The following FRMD5 variants were observed in gnomAD, a reference collection of about 807,000 sequenced individuals.
The protein encoded by FRMD5 is FERM domain-containing protein 5.
Under a neutral mutation model 69.0 loss-of-function variants are expected in FRMD5, and 20 were observed. That is an observed-to-expected ratio of 0.29 (90% CI 0.20 to 0.42). FRMD5 has a LOEUF of 0.42. Among genes scored for constraint, FRMD5 ranks in the 10% least tolerant of loss-of-function variants. The pLI is 1.00. For synonymous variants in FRMD5, 271 were observed against 260.1 expected, an observed-to-expected ratio of 1.04 and a Z score of -0.40; for missense variants, 595 against 708.6, an observed-to-expected ratio of 0.84 and a Z score of 1.82.
At chr15:44,119,515 G>GT (rs1329534763) in intron 1 of FRMD5, among the ~76,000 whole-genome samples, 9 of 151,966 alleles carry the variant, frequency 5.9e-5, no homozygotes, top group Admixed American at 5.2e-4. Context: ...CAAGCTTAAA[G>GT]TTTCTCTGGC....
chr15:43,877,894 A>G (rs1461655031), intron 13 of FRMD5, among the ~76,000 whole-genome samples: 1 of 152,236 alleles, frequency 6.6e-6, no homozygotes, highest in Non-Finnish European at 1.5e-5. Flanking sequence ...GATCATATCT[A>G]TTAAGTCCTC....
At chr15:43,989,435 G>A (rs181355896) in intron 1 of FRMD5, 195 of 791,458 alleles carry the variant, frequency 2.5e-4, no homozygotes, top group East Asian at 2.1e-3. Flanking sequence ...TGCTTTTGCC[G>A]ATGATGATGA....
chr15:43,873,323 TAAAAG>T lies in FRMD5; in HGVS notation c.*557_*561del. The T allele has an allele frequency of 6.7e-7, 1 of 1,502,252 alleles. No individual in the cohort carries two copies. The highest frequency in any genetic ancestry group is 8.8e-7 in the Non-Finnish European group (1 of 1,130,906). The allele number at this position is 1,502,252 out of a possible 1,614,324, so 93.1% of individuals were successfully genotyped here. A position where few individuals can be genotyped will look rare whatever the true frequency, so the allele number is the denominator to read the frequency against. ...CATTCTACATGGATGTTTACTTTTTTAAAAGTTCTGGCTGGCAAAAAAAACAAACA... is the reference window on the plus strand; with the variant it reads ...CATTCTACATGGATGTTTACTTTTTTTTCTGGCTGGCAAAAAAAACAAACA... On this transcript the variant is annotated 3_prime_UTR_variant, in exon 14 of 14. Transcript: ENST00000417257.
chr15:44,163,495 C>A (rs1297954042), intron 1 of FRMD5, among the ~76,000 whole-genome samples: 1 of 152,124 alleles, frequency 6.6e-6, no homozygotes, highest in Non-Finnish European at 1.5e-5. Context: ...TTAACAGATT[C>A]ATTACATTGT....
chr15:44,191,233 T>G (rs889857202), intron 1 of FRMD5, among the ~76,000 whole-genome samples: 7 of 152,204 alleles, frequency 4.6e-5, no homozygotes, highest in African/African-American at 1.7e-4. Context: ...ATATTTCTAT[T>G]AGAAATGTTG....
chr15:43,878,743 C>A (rs192598433), intron 13 of FRMD5, among the ~76,000 whole-genome samples: 2 of 152,208 alleles, frequency 1.3e-5, no homozygotes, highest in African/African-American at 4.8e-5. Context: ...CAGGATCTTT[C>A]AAAGTATGAA....
intron 1 of FRMD5, among the ~76,000 whole-genome samples, chr15:44,053,340 A>T (rs1892744185): frequency 6.6e-6 from 1 of 152,170 alleles, no homozygotes; most frequent in East Asian, 1.9e-4. Context: ...AGTAAAGTTC[A>T]TTAGAGTTTT....
At chr15:43,971,064 A>T (rs895788979) in intron 1 of FRMD5, among the ~76,000 whole-genome samples, 1 of 150,064 alleles carries the variant, frequency 6.7e-6, no homozygotes, top group African/African-American at 2.5e-5. Flanking sequence ...GTCTCTACTA[A>T]AACAAAACAA....
At chr15:44,198,517 G>A (rs1355155161), upstream of FRMD5, among the ~76,000 whole-genome samples, 2 of 152,192 alleles carry the variant, frequency 1.3e-5, no homozygotes, top group Admixed American at 6.5e-5. Flanking sequence ...AGAAAAGCAA[G>A]AATCTAGATG....
intron 1 of FRMD5, among the ~76,000 whole-genome samples, chr15:44,151,137 C>T (rs920172497): frequency 6.6e-6 from 1 of 151,544 alleles, no homozygotes; most frequent in Non-Finnish European, 1.5e-5. Context: ...GTGGCTTATG[C>T]CTGTAATCCC....
At chr15:43,890,554 G>A (rs565336176) in intron 8 of FRMD5, among the ~76,000 whole-genome samples, 4 of 152,322 alleles carry the variant, frequency 2.6e-5, no homozygotes, top group African/African-American at 9.6e-5. Flanking sequence ...TATCCAGGCA[G>A]CAGAGACCCC....
In FRMD5 at chr15:43,873,527, A is replaced by G; in HGVS notation, c.*358T>C. ...TCTGCTAGGTGATACTACTGCAATA[A>G]TCAGTAATAGTAAAATAAATTATTT... On this transcript the variant is annotated 3_prime_UTR_variant, in exon 14 of 14. Transcript: ENST00000417257. The G allele has an allele frequency of 7.2e-7, 1 of 1,391,526 alleles. No individual in the cohort carries two copies. Among genetic ancestry groups the G allele is most frequent in the Non-Finnish European group, 9.3e-7 (1 of 1,069,894 alleles). The allele number at this position is 1,391,526 out of a possible 1,614,324, so 86.2% of individuals were successfully genotyped here. A position where few individuals can be genotyped will look rare whatever the true frequency, so the allele number is the denominator to read the frequency against.
At chr15:44,010,398 T>TTC (rs1283731820) in intron 1 of FRMD5, among the ~76,000 whole-genome samples, 1 of 58,920 alleles carries the variant, frequency 1.7e-5, no homozygotes, top group East Asian at 7.3e-4. Context: ...TTTTTTCCTT[T>TTC]TCTTTTTTTT....
intron 1 of FRMD5, among the ~76,000 whole-genome samples, chr15:44,183,416 G>A (rs2078044687): frequency 6.6e-6 from 1 of 152,200 alleles, no homozygotes; most frequent in South Asian, 2.1e-4. Context: ...TCCACAGGAA[G>A]GTAAAACCTA....
intron 1 of FRMD5, among the ~76,000 whole-genome samples, chr15:44,079,082 C>A (rs1195730012): frequency 6.6e-6 from 1 of 151,920 alleles, no homozygotes; most frequent in South Asian, 2.1e-4. Flanking sequence ...CAAAAAACAT[C>A]CCAATTAAAA....
At chr15:43,951,933 A>AT (rs2090035837) in intron 1 of FRMD5, among the ~76,000 whole-genome samples, 1 of 150,350 alleles carries the variant, frequency 6.7e-6, no homozygotes, top group African/African-American at 2.5e-5. Flanking sequence ...AAGGGGACAC[A>AT]TTTTTTTGGG....
intron 1 of FRMD5, among the ~76,000 whole-genome samples, chr15:44,180,504 G>C (rs1156709374): frequency 6.6e-6 from 1 of 152,094 alleles, no homozygotes; most frequent in Admixed American, 6.6e-5. Context: ...AAGAATACTG[G>C]CCAGGCGCGG....
chr15:43,919,204 G>A (rs768798173), intron 4 of FRMD5: 17 of 621,214 alleles, frequency 2.7e-5, no homozygotes, highest in South Asian at 2.6e-4. Context: ...TTACTCCAGA[G>A]CCCTTTGAGA....
chr15:44,011,615 A>G (rs1890726066), intron 1 of FRMD5, among the ~76,000 whole-genome samples: 1 of 152,216 alleles, frequency 6.6e-6, no homozygotes. Flanking sequence ...TTATGCATAC[A>G]AATGAGCTGA....
Sources: allele counts gnomAD v4.1 joint callset (sites outside exome capture counted in the v4.1 genomes callset), GRCh38; gene constraint gnomAD v4.1.1; transcripts MANE v1.5; gene names NCBI Gene and HGNC (gene_info 2026-07-23, HGNC 2026-07-21).